The following PLD5 variants were observed in gnomAD, a reference collection of about 807,000 sequenced individuals.
PLD5 encodes phospholipase D family member 5.
Under a neutral mutation model 61.1 loss-of-function variants are expected in PLD5, and 36 were observed. The ratio of observed to expected loss-of-function variants is 0.59; its 90% CI spans 0.45 to 0.78. The LOEUF (loss-of-function observed/expected upper bound fraction) is 0.78. Among genes scored for constraint, PLD5 ranks in the 30% least tolerant of loss-of-function variants. PLD5 has a pLI of 0.00. For synonymous variants in PLD5, 243 were observed against 242.8 expected, an observed-to-expected ratio of 1.00 and a Z score of -0.01; for missense variants, 515 against 644.4, an observed-to-expected ratio of 0.80 and a Z score of 2.17.
chr1:242,240,939 G>C (rs1279353122), intron 4 of PLD5, among the ~76,000 whole-genome samples: 3 of 152,138 alleles, frequency 2.0e-5, no homozygotes, highest in Admixed American at 1.3e-4. Context: ...AGAGAACTGG[G>C]TGGCTGTAAA....
In PLD5 at chr1:242,524,217, C is replaced by T; in HGVS notation, c.60G>A (p.Met20Ile). The change falls in exon 1 of 10, where the codon ATG (methionine) becomes ATA (isoleucine). Residue 20 changes from methionine (M) to isoleucine (I), a missense_variant. Physicochemically the swap from Met to Ile is conservative, Grantham distance 10. Around this residue, in one of 2 missense-constraint regions of PLD5, gnomAD observed 65 missense variants for 46.3 expected, o/e 1.40. Transcript: ENST00000536534. Reference protein sequence around the residue: ...SASPHEGFEQMRLKSRPKEPS... With the variant: ...SASPHEGFEQIRLKSRPKEPS... ...GCTCCTTGGGGCGGCTTTTGAGCCT[C>T]ATCTGCTCGAAGCCCTCATGGGGGG... 6.5e-7 allele frequency: 1 copy of T among 1,532,284 alleles called. No individual in the cohort carries two copies. The highest frequency in any genetic ancestry group is 8.7e-7 in the Non-Finnish European group (1 of 1,145,108). 94.9% of individuals were successfully genotyped at this position (1,532,284 alleles called of 1,614,324 possible). A position where few individuals can be genotyped will look rare whatever the true frequency, so the allele number is the denominator to read the frequency against.
chr1:242,190,138 CTTTTT>C (rs902616187), intron 5 of PLD5, among the ~76,000 whole-genome samples: 6 of 74,382 alleles, frequency 8.1e-5, no homozygotes, highest in African/African-American at 3.4e-4. Flanking sequence ...GACAGGACTC[CTTTTT>C]TTTTTTTTTT....
intron 1 of PLD5, among the ~76,000 whole-genome samples, chr1:242,500,824 A>G (rs770478411): frequency 6.6e-5 from 10 of 151,966 alleles, no homozygotes; most frequent in Non-Finnish European, 1.5e-4. Context: ...GGAGAGGACC[A>G]CTGTAGAATG....
At chr1:242,292,491 C>A (rs1239616775) in intron 2 of PLD5, among the ~76,000 whole-genome samples, 1 of 152,096 alleles carries the variant, frequency 6.6e-6, no homozygotes, top group Admixed American at 6.6e-5. Flanking sequence ...TCGTACTGTC[C>A]CTATGGCTTC....
chr1:242,083,547 T>C lies in PLD5; in HGVS notation c.*6307A>G, dbSNP rs555754956. The C allele has an allele frequency of 6.6e-6, 1 of 152,328 alleles. No individual in the cohort carries two copies. The highest frequency in any genetic ancestry group is 6.5e-5 in the Admixed American group (1 of 15,298). The allele number at this position is 152,328 out of a possible 1,614,324, so 9.4% of individuals were successfully genotyped here. ...TTTATCACTGGAGACAAATTGGCCT[T>C]TGTTTCTCAATGACATTTTCCTACA... is the stretch of plus-strand genomic sequence containing the variant. On this transcript the variant is annotated 3_prime_UTR_variant, in exon 10 of 10. Transcript: ENST00000536534.
chr1:242,196,506 G>C (rs1192417904), intron 5 of PLD5, among the ~76,000 whole-genome samples: 1 of 152,100 alleles, frequency 6.6e-6, no homozygotes, highest in African/African-American at 2.4e-5. Flanking sequence ...CTCATTGCAA[G>C]TATAGTTCTA....
intron 2 of PLD5, among the ~76,000 whole-genome samples, chr1:242,290,074 A>C (rs1463918138): frequency 1.8e-4 from 27 of 151,308 alleles, no homozygotes; most frequent in African/African-American, 6.3e-4. Flanking sequence ...TGTGCAACAC[A>C]GAAATGACTA....
chr1:242,481,559 G>A (rs1667776938), intron 1 of PLD5, among the ~76,000 whole-genome samples: 1 of 152,234 alleles, frequency 6.6e-6, no homozygotes, highest in Admixed American at 6.5e-5. Context: ...CAAAGCAGCT[G>A]GGAAGCTCGA....
chr1:242,241,138 C>T (rs1230269213), intron 4 of PLD5, among the ~76,000 whole-genome samples: 5 of 152,016 alleles, frequency 3.3e-5, no homozygotes, highest in Admixed American at 2.6e-4. Context: ...TGTACTAAAC[C>T]GTTCTACAGA....
intron 1 of PLD5, among the ~76,000 whole-genome samples, chr1:242,440,544 T>C (rs530153286): frequency 1.3e-5 from 2 of 152,384 alleles, no homozygotes; most frequent in East Asian, 3.8e-4. Flanking sequence ...CAACATCTAA[T>C]GCAGTTAACC....
At chr1:242,325,987 A>G (rs1211584223) in intron 2 of PLD5, among the ~76,000 whole-genome samples, 2 of 143,028 alleles carry the variant, frequency 1.4e-5, no homozygotes, top group Non-Finnish European at 3.1e-5. Flanking sequence ...TGCTGGGCGT[A>G]AGTGATCTAC....
intron 5 of PLD5, among the ~76,000 whole-genome samples, chr1:242,219,579 A>T (rs1290673674): frequency 1.3e-5 from 2 of 152,380 alleles, no homozygotes; most frequent in East Asian, 3.9e-4. Flanking sequence ...GAAAGATAAC[A>T]TCTTCATCTT....
intron 2 of PLD5, among the ~76,000 whole-genome samples, chr1:242,321,575 G>A (rs1658412640): frequency 6.6e-6 from 1 of 152,030 alleles, no homozygotes; most frequent in South Asian, 2.1e-4. Context: ...AAAGTGCTGG[G>A]ATTACAGGTG....
chr1:242,419,392 T>TG lies in PLD5; in HGVS notation c.190-71151_190-71150insC, dbSNP rs1558550445. Among the ~76,000 whole-genome samples, 354 of 149,338 alleles carry TG rather than the reference T, an allele frequency of 2.4e-3. 4 individuals carry two copies. The highest frequency in any genetic ancestry group is 8.4e-3 in the African/African-American group (341 of 40,400). ...GAGTGCAGTCCTGATTTTTGTTTTT[T>TG]TTTTTTTTTTTTTGGCGGGGGGAGA... On this transcript the variant is annotated intron_variant, in intron 1 of 9. Transcript: ENST00000536534.
chr1:242,476,712 C>T (rs569204302), intron 1 of PLD5, among the ~76,000 whole-genome samples: 1 of 152,252 alleles, frequency 6.6e-6, no homozygotes, highest in Admixed American at 6.5e-5. Flanking sequence ...CAAGGCCAGA[C>T]CAAAACTGGA....
intron 2 of PLD5, among the ~76,000 whole-genome samples, chr1:242,310,859 C>T (rs1409392941): frequency 1.3e-5 from 2 of 152,102 alleles, no homozygotes; most frequent in Non-Finnish European, 2.9e-5. Context: ...TTCAAGGTAG[C>T]AAGGTAGCAG....
chr1:242,089,345 T>G lies in PLD5; in HGVS notation c.*509A>C. ...AGAAAAGGATATTTTTCAAGGGTGT[T>G]GAAGGCTGGCATGAGATGTAAGCTA... On this transcript the variant is annotated 3_prime_UTR_variant, in exon 10 of 10. Transcript: ENST00000536534. 7 of 401,070 alleles carry G rather than the reference T, an allele frequency of 1.7e-5. No homozygotes were observed. In the Admixed American group the frequency reaches 2.6e-4, roughly 15 times the overall value. 24.8% of individuals were successfully genotyped at this position (401,070 alleles called of 1,614,324 possible). A position where few individuals can be genotyped will look rare whatever the true frequency, so the allele number is the denominator to read the frequency against.
chr1:242,516,808 T>A (rs1669119360), intron 1 of PLD5, among the ~76,000 whole-genome samples: 1 of 152,230 alleles, frequency 6.6e-6, no homozygotes, highest in Non-Finnish European at 1.5e-5. Context: ...GCCCTTTGCA[T>A]TGCCATATAA....
chr1:242,383,641 A>C (rs1662430775), intron 1 of PLD5, among the ~76,000 whole-genome samples: 1 of 152,142 alleles, frequency 6.6e-6, no homozygotes, highest in African/African-American at 2.4e-5. Flanking sequence ...CAAAATCTGC[A>C]GACTACTTTC....
Sources: allele counts gnomAD v4.1 joint callset (sites outside exome capture counted in the v4.1 genomes callset), GRCh38; gene constraint gnomAD v4.1.1; regional missense constraint gnomAD v4.1.1; transcripts MANE v1.5; gene names NCBI Gene and HGNC (gene_info 2026-07-23, HGNC 2026-07-21).